NKAIN2: variants seen among roughly 807,000 people sequenced by gnomAD.
NKAIN2 encodes sodium/potassium-transporting ATPase subunit beta-1-interacting protein 2.
Under a neutral mutation model 32.6 loss-of-function variants are expected in NKAIN2, and 14 were observed. The observed-to-expected ratio is 0.43, with a 90% CI of 0.28 to 0.67. NKAIN2 has a LOEUF of 0.67. Ranked by LOEUF, NKAIN2 falls within the 30% of genes least tolerant of loss-of-function variation. NKAIN2 has a pLI of 0.17. For missense variants in NKAIN2, 198 were observed against 258.3 expected, an observed-to-expected ratio of 0.77 and a Z score of 1.60; for synonymous variants, 80 against 87.2, an observed-to-expected ratio of 0.92 and a Z score of 0.46.
At chr6:123,863,419 C>G (rs1429999302) in intron 1 of NKAIN2, among the ~76,000 whole-genome samples, 1 of 152,178 alleles carries the variant, frequency 6.6e-6, no homozygotes, top group Non-Finnish European at 1.5e-5. Context: ...ACCACCTTAT[C>G]TTTTATACAC....
intron 1 of NKAIN2, among the ~76,000 whole-genome samples, chr6:124,001,665 A>G (rs756925672): frequency 4.0e-5 from 6 of 151,698 alleles, no homozygotes; most frequent in Non-Finnish European, 7.4e-5. Flanking sequence ...TAGGTGCCAA[A>G]TTGACAGTTT....
chr6:124,604,190 A>G (rs1276359728), intron 3 of NKAIN2, among the ~76,000 whole-genome samples: 2 of 152,036 alleles, frequency 1.3e-5, no homozygotes, highest in African/African-American at 4.8e-5. Context: ...CTCCTGGACA[A>G]GGCCTACAAA....
intron 3 of NKAIN2, among the ~76,000 whole-genome samples, chr6:124,424,330 T>C (rs532945712): frequency 6.6e-6 from 1 of 152,310 alleles, no homozygotes; most frequent in East Asian, 1.9e-4. Flanking sequence ...TACAATGAAC[T>C]GATCACTCCA....
At chr6:124,089,291 G>A (rs140217705) in intron 1 of NKAIN2, among the ~76,000 whole-genome samples, 6 of 151,826 alleles carry the variant, frequency 4.0e-5, no homozygotes, top group African/African-American at 9.6e-5. Flanking sequence ...TGTGAGTACC[G>A]TGATTCGGCC....
At chr6:124,477,130 C>A (rs535608413) in intron 3 of NKAIN2, among the ~76,000 whole-genome samples, 1 of 152,250 alleles carries the variant, frequency 6.6e-6, no homozygotes, top group Non-Finnish European at 1.5e-5. Flanking sequence ...TCTTATAAAG[C>A]TTTTTCAAGG....
At chr6:124,435,863 T>A (rs2114579031) in intron 3 of NKAIN2, among the ~76,000 whole-genome samples, 1 of 152,294 alleles carries the variant, frequency 6.6e-6, no homozygotes, top group South Asian at 2.1e-4. Context: ...ACAGACACAG[T>A]ATTATTGGGT....
chr6:123,935,895 G>C (rs1268686168), intron 1 of NKAIN2, among the ~76,000 whole-genome samples: 1 of 151,904 alleles, frequency 6.6e-6, no homozygotes, highest in East Asian at 1.9e-4. Context: ...TACTTGCCAT[G>C]GCTATTTTTT....
In NKAIN2 at chr6:124,025,703, G is replaced by A. The variant is rs532413207; in HGVS notation, c.54+221449G>A. Among the ~76,000 whole-genome samples the A allele has an allele frequency of 1.6e-3, 249 of 152,276 alleles. 1 individual carries two copies. Among genetic ancestry groups the A allele is most frequent in the Non-Finnish European group, 2.1e-3 (144 of 68,016 alleles). On this transcript the variant is annotated intron_variant, in intron 1 of 6. Coordinates refer to ENST00000368417, the MANE Select transcript of NKAIN2 (RefSeq NM_001040214.3). The stretch of plus-strand genomic sequence containing the variant: ...TTTAAGTGTTCTTACCACAATAGAC[G>A]TAAGTGTGTGAGGTGATGGATATGT...
chr6:124,719,672 C>A (rs1775922973), intron 4 of NKAIN2, among the ~76,000 whole-genome samples: 1 of 151,452 alleles, frequency 6.6e-6, no homozygotes, highest in African/African-American at 2.4e-5. Context: ...AAAGTAAATA[C>A]CATGGCTGAC....
chr6:124,461,550 T>G (rs1457553898), intron 3 of NKAIN2, among the ~76,000 whole-genome samples: 1 of 151,844 alleles, frequency 6.6e-6, no homozygotes, highest in Non-Finnish European at 1.5e-5. Context: ...CAATATATTT[T>G]TTAAAAGTTT....
At chr6:124,596,970 C>A (rs544026313) in intron 3 of NKAIN2, among the ~76,000 whole-genome samples, 49 of 152,116 alleles carry the variant, frequency 3.2e-4, no homozygotes, top group Non-Finnish European at 6.5e-4. Flanking sequence ...GATGTCCCAA[C>A]TTCAAGATAG....
chr6:124,701,146 C>T (rs1258703809), intron 4 of NKAIN2, among the ~76,000 whole-genome samples: 2 of 124,936 alleles, frequency 1.6e-5, no homozygotes, highest in East Asian at 2.2e-4. Flanking sequence ...GATACACACA[C>T]ACACACGCAC....
intron 2 of NKAIN2, among the ~76,000 whole-genome samples, chr6:124,343,387 A>G (rs896211376): frequency 2.1e-4 from 31 of 150,184 alleles, no homozygotes; most frequent in African/African-American, 7.6e-4. Context: ...CTAGTTCTAG[A>G]TCCCAGAGGA....
intron 3 of NKAIN2, among the ~76,000 whole-genome samples, chr6:124,392,871 C>T (rs1402346843): frequency 6.6e-6 from 1 of 152,036 alleles, no homozygotes; most frequent in Non-Finnish European, 1.5e-5. Context: ...CAATATGCTC[C>T]TAGTTTTTTC....
At chr6:124,632,171 A>AATTACC (rs1200452602) in intron 3 of NKAIN2, among the ~76,000 whole-genome samples, 3 of 152,218 alleles carry the variant, frequency 2.0e-5, no homozygotes, top group African/African-American at 7.2e-5. Context: ...ACACATCTTA[A>AATTACC]TTAAAATTAT....
intron 2 of NKAIN2, among the ~76,000 whole-genome samples, chr6:124,353,338 G>A (rs541933827): frequency 6.6e-6 from 1 of 152,280 alleles, no homozygotes; most frequent in South Asian, 2.1e-4. Context: ...GCAGCACTAA[G>A]CAGGGCTCAG....
chr6:124,340,479 T>C (rs2115080681), intron 2 of NKAIN2, among the ~76,000 whole-genome samples: 1 of 152,200 alleles, frequency 6.6e-6, no homozygotes, highest in Admixed American at 6.5e-5. Context: ...ATCACCTAGG[T>C]ATTAAGCCCA....
intron 3 of NKAIN2, among the ~76,000 whole-genome samples, chr6:124,607,657 T>C (rs907915594): frequency 1.2e-4 from 18 of 152,054 alleles, no homozygotes; most frequent in African/African-American, 3.9e-4. Context: ...ATCTTCGTTA[T>C]ACACACACAC....
At chr6:123,840,864 G>A (rs748879713) in intron 1 of NKAIN2, among the ~76,000 whole-genome samples, 1 of 151,990 alleles carries the variant, frequency 6.6e-6, no homozygotes, top group Non-Finnish European at 1.5e-5. Flanking sequence ...TTTCCTGTAG[G>A]GATGTTAGAA....
Sources: gnomAD v4.1 joint callset for allele counts (sites outside exome capture counted in the v4.1 genomes callset) on GRCh38, gnomAD v4.1.1 for gene constraint, MANE v1.5 for transcripts, NCBI Gene and HGNC (gene_info 2026-07-23, HGNC 2026-07-21) for gene names.